The following MME variants were observed in gnomAD, a reference collection of about 807,000 sequenced individuals.
MME encodes the protein neprilysin.
In MME, 98 loss-of-function variants were observed where a neutral mutation model predicts 113.2. The ratio of observed to expected loss-of-function variants is 0.87; its 90% CI spans 0.74 to 1.02. The LOEUF is 1.02. Among genes scored for constraint, MME ranks in the 50% least tolerant of loss-of-function variants. MME has a pLI of 0.00. For synonymous variants in MME, 292 were observed against 300.6 expected, an observed-to-expected ratio of 0.97 and a Z score of 0.30; for missense variants, 836 against 896.0, an observed-to-expected ratio of 0.93 and a Z score of 0.86.
At chr3:155,117,685 T>G (rs1430630619) in intron 7 of MME, among the ~76,000 whole-genome samples, 2 of 151,378 alleles carry the variant, frequency 1.3e-5, no homozygotes, top group Non-Finnish European at 2.9e-5. Context: ...TGTGTCACTA[T>G]TGCATAAATC....
At chr3:155,172,638 G>A (rs1712112219) in intron 22 of MME, 26 bp downstream of exon 22, 3 of 1,550,320 alleles carry the variant, frequency 1.9e-6, no homozygotes, top group East Asian at 4.5e-5. Flanking sequence ...CAGCAATCAA[G>A]GTGCTCTTAT....
intron 8 of MME, among the ~76,000 whole-genome samples, chr3:155,128,768 C>T (rs1055859540): frequency 6.6e-6 from 1 of 151,994 alleles, no homozygotes; most frequent in Non-Finnish European, 1.5e-5. Flanking sequence ...ACCAAAGTTT[C>T]TGGCCCTTAA....
intron 22 of MME, among the ~76,000 whole-genome samples, chr3:155,176,743 T>G (rs1712565909): frequency 6.6e-6 from 1 of 152,108 alleles, no homozygotes; most frequent in African/African-American, 2.4e-5. Context: ...GGAGGATTGC[T>G]TGAACCCAGG....
intron 3 of MME, among the ~76,000 whole-genome samples, chr3:155,110,472 A>G (rs1311787863): frequency 6.6e-6 from 1 of 152,214 alleles, no homozygotes; most frequent in South Asian, 2.1e-4. Context: ...GGAATACAGT[A>G]ATTAATAACT....
intron 17 of MME, among the ~76,000 whole-genome samples, chr3:155,161,771 C>T (rs966117712): frequency 6.6e-6 from 1 of 152,068 alleles, no homozygotes; most frequent in Non-Finnish European, 1.5e-5. Context: ...GTTTACTTGG[C>T]TTAAAATTAC....
intron 1 of MME, among the ~76,000 whole-genome samples, chr3:155,063,150 T>TA (rs1294414294): frequency 1.1e-4 from 15 of 135,884 alleles, no homozygotes; most frequent in Non-Finnish European, 1.2e-4. Flanking sequence ...TGTTATATAT[T>TA]TATGTTGTAT....
At chr3:155,086,012 G>A (rs1338391249) in intron 3 of MME, among the ~76,000 whole-genome samples, 1 of 152,186 alleles carries the variant, frequency 6.6e-6, no homozygotes, top group Non-Finnish European at 1.5e-5. Flanking sequence ...TGTAATACAG[G>A]AGAAACAGAT....
intron 1 of MME, among the ~76,000 whole-genome samples, chr3:155,068,536 G>T (rs1159943926): frequency 1.3e-5 from 2 of 152,172 alleles, no homozygotes; most frequent in African/African-American, 2.4e-5. Context: ...CGGTGTCACT[G>T]GTGTCATGAT....
chr3:155,075,383 G>C (rs1714713080), upstream of MME, among the ~76,000 whole-genome samples: 1 of 152,010 alleles, frequency 6.6e-6, no homozygotes, highest in African/African-American at 2.4e-5. Context: ...ATGCCAATCT[G>C]TGTCTTCTAA....
chr3:155,085,885 A>G (rs1715668757), intron 3 of MME, among the ~76,000 whole-genome samples: 1 of 152,222 alleles, frequency 6.6e-6, no homozygotes, highest in Non-Finnish European at 1.5e-5. Flanking sequence ...GGCGGTGCAG[A>G]AGAGGGAATT....
intron 8 of MME, among the ~76,000 whole-genome samples, chr3:155,122,266 C>A (rs1347406985): frequency 6.6e-6 from 1 of 151,624 alleles, no homozygotes; most frequent in African/African-American, 2.4e-5. Flanking sequence ...TGGTGATATC[C>A]CCTTTATCAT....
intron 3 of MME, among the ~76,000 whole-genome samples, chr3:155,097,167 A>C (rs143193617): frequency 7.2e-4 from 110 of 152,240 alleles, no homozygotes; most frequent in Non-Finnish European, 1.3e-3. Context: ...AGATAGTTTA[A>C]ATTTGAGATA....
chr3:155,100,243 A>T (rs536921290), intron 3 of MME, among the ~76,000 whole-genome samples: 1 of 152,376 alleles, frequency 6.6e-6, no homozygotes, highest in African/African-American at 2.4e-5. Context: ...TGGGCAAAGG[A>T]TATGAACAGA....
Position 155,182,936 on chromosome 3 carries a change from T to G in MME, c.*2477T>G, listed in dbSNP as rs199687099. 33 of 152,352 alleles carry G rather than the reference T, an allele frequency of 2.2e-4. No individual in the cohort carries two copies. The highest frequency in any genetic ancestry group is 6.0e-4 in the African/African-American group (25 of 41,590). 9.4% of individuals were successfully genotyped at this position (152,352 alleles called of 1,614,324 possible). The stretch of plus-strand genomic sequence containing the variant: ...CTGATGTCTCTAAAGCACTACCGAT[T>G]CTTTGGAGTTGTCACATCAGATAAG... On this transcript the variant is annotated 3_prime_UTR_variant, in exon 23 of 23. Coordinates refer to ENST00000360490, the MANE Select transcript of MME (RefSeq NM_007289.4).
chr3:155,092,030 A>G lies in MME; in HGVS notation c.196+6936A>G, dbSNP rs543226726. 2.0e-5 allele frequency among the ~76,000 whole-genome samples: 3 copies of G among 152,320 alleles called. No individual in the cohort carries two copies. The East Asian group carries it at 5.8e-4, about 29-fold the overall frequency. On this transcript the variant is annotated intron_variant, in intron 3 of 22. Transcript: ENST00000360490. Reference sequence around the variant, plus strand: ...GAACCTGGAGTTCTGATGTCTAAGAACAGGAGAAGGTGGATGTCCCAGTTC... The same window carrying G: ...GAACCTGGAGTTCTGATGTCTAAGAGCAGGAGAAGGTGGATGTCCCAGTTC...
intron 4 of MME, 21 bp downstream of exon 4, chr3:155,115,176 T>A: frequency 6.2e-7 from 1 of 1,612,962 alleles, no homozygotes; most frequent in Non-Finnish European, 8.5e-7. Context: ...ATTGTGTCTG[T>A]GCATCAAAGA....
intron 1 of MME, among the ~76,000 whole-genome samples, chr3:155,069,875 T>C (rs139895740): frequency 4.1e-4 from 63 of 152,220 alleles, no homozygotes; most frequent in African/African-American, 1.5e-3. Context: ...CCATGTGATG[T>C]TGGTTAACGT....
At chr3:155,052,097 A>G (rs1713782745) in intron 1 of MME, among the ~76,000 whole-genome samples, 1 of 152,190 alleles carries the variant, frequency 6.6e-6, no homozygotes, top group Non-Finnish European at 1.5e-5. Context: ...CACATCTCAT[A>G]TCCAGGTCAT....
intron 1 of MME, among the ~76,000 whole-genome samples, chr3:155,063,250 T>C (rs868080359): frequency 8.5e-6 from 1 of 117,552 alleles, no homozygotes; most frequent in African/African-American, 3.4e-5. Flanking sequence ...TATATAATAA[T>C]ATACATATAA....
Sources: gnomAD v4.1 joint callset for allele counts (sites outside exome capture counted in the v4.1 genomes callset) on GRCh38, gnomAD v4.1.1 for gene constraint, MANE v1.5 for transcripts, NCBI Gene and HGNC (gene_info 2026-07-23, HGNC 2026-07-21) for gene names.